The following TFCP2L1 variants were observed in gnomAD, a reference collection of about 807,000 sequenced individuals.
TFCP2L1 encodes transcription factor CP2-like protein 1.
TFCP2L1 carries 12 observed loss-of-function variants against 72.2 expected under a neutral mutation model. The observed-to-expected ratio is 0.17, with a 90% CI of 0.11 to 0.27. The LOEUF (loss-of-function observed/expected upper bound fraction) is 0.27, where lower values mean the gene tolerates loss of function less well. Ranked by LOEUF, TFCP2L1 falls within the 10% of genes least tolerant of loss-of-function variation. The pLI, the probability that TFCP2L1 is intolerant of heterozygous loss-of-function variation, is 1.00. For missense variants in TFCP2L1, 488 were observed against 624.6 expected (o/e 0.78, Z 2.33); for synonymous variants, 260 against 251.0 (o/e 1.04, Z -0.34).
chr2:121,262,563 T>G (rs1261987999), intron 2 of TFCP2L1, among the ~76,000 whole-genome samples: 1 of 152,152 alleles, frequency 6.6e-6, no homozygotes, highest in Non-Finnish European at 1.5e-5. Context: ...CGATGAAGAC[T>G]CAGGAGACAT....
intron 11 of TFCP2L1, 144 bp from the exon 12 acceptor site, chr2:121,234,338 G>T (rs1686201954): frequency 1.4e-6 from 1 of 731,232 alleles, no homozygotes; most frequent in Non-Finnish European, 2.3e-6. Context: ...GTCATGGGGT[G>T]GTGGATGACC....
intron 13 of TFCP2L1, among the ~76,000 whole-genome samples, chr2:121,229,271 G>A (rs538275201): frequency 6.6e-6 from 1 of 152,236 alleles, no homozygotes; most frequent in East Asian, 1.9e-4. Flanking sequence ...AGAGACAAGA[G>A]CACAAAAAAT....
In TFCP2L1 at chr2:121,280,355, G is replaced by A. The variant is rs377624523; in HGVS notation, c.214+765C>T. Among the ~76,000 whole-genome samples, 158 of 152,286 alleles carry A rather than the reference G, an allele frequency of 1.0e-3. 4 individuals carry two copies. The South Asian group carries it at 0.03, about 29-fold the overall frequency. On this transcript the variant is annotated intron_variant, in intron 2 of 14. Coordinates refer to ENST00000263707, the MANE Select transcript of TFCP2L1 (RefSeq NM_014553.3). ...GGATGGAACCCTGCTCCGGTGCTGC[G>A]CAGGACACAGGCCAGCCATCCCATC...
At chr2:121,235,365 C>A (rs1294926939) in intron 10 of TFCP2L1, 54 bp from the exon 11 acceptor site, 1 of 1,585,000 alleles carries the variant, frequency 6.3e-7, no homozygotes, top group South Asian at 1.1e-5. Context: ...AGAAAGGGCT[C>A]GGTCCCCAAC....
chr2:121,271,450 G>GA (rs1197956478), intron 2 of TFCP2L1, among the ~76,000 whole-genome samples: 11 of 151,966 alleles, frequency 7.2e-5, no homozygotes, highest in Non-Finnish European at 1.3e-4. Context: ...TTATACTCAG[G>GA]AAAAAACAAG....
In TFCP2L1 at chr2:121,222,555, C is replaced by T. The variant is rs756635216; in HGVS notation, c.*1786G>A. 6.6e-6 allele frequency: 1 copy of T among 152,206 alleles called. No homozygotes were observed. The highest frequency in any genetic ancestry group is 1.5e-5 in the Non-Finnish European group (1 of 68,044). The allele number at this position is 152,206 out of a possible 1,614,324, so 9.4% of individuals were successfully genotyped here. ...AAGAAGCCAGTCACAAAAGAGATAT[C>T]ACATGATTCCAGATATATGAAATGT... On this transcript the variant is annotated 3_prime_UTR_variant, in exon 15 of 15. Transcript: ENST00000263707.
At chr2:121,276,043 T>C (rs1221756342) in intron 2 of TFCP2L1, among the ~76,000 whole-genome samples, 2 of 152,216 alleles carry the variant, frequency 1.3e-5, no homozygotes, top group African/African-American at 2.4e-5. Context: ...AGTCTGTATA[T>C]TGCTTGCCTT....
Position 121,281,141 on chromosome 2 carries a change from T to C in TFCP2L1, c.193A>G (p.Thr65Ala), listed in dbSNP as rs1432264426. The change falls in exon 2 of 15, where the codon ACG becomes GCG. Residue 65 changes from threonine (T) to alanine (A), a missense_variant. Physicochemically the swap from Thr to Ala is moderately conservative, Grantham distance 58 (BLOSUM62 0). This residue lies in a region of TFCP2L1 where 129 missense variants were observed against 236.0 expected (regional missense o/e 0.55). Coordinates refer to ENST00000263707, the MANE Select transcript of TFCP2L1 (RefSeq NM_014553.3). ...TSPAVKLHEE[T>A]LTYLNQGQSY... Reference sequence around the variant, plus strand: ...CTACCTTGGTTGAGGTAGGTCAGCGTCTCTTCATGCAGCTTCACGGCTGGG... The same window carrying C: ...CTACCTTGGTTGAGGTAGGTCAGCGCCTCTTCATGCAGCTTCACGGCTGGG... The C allele has an allele frequency of 1.9e-6, 3 of 1,613,640 alleles. No homozygotes were observed. Among genetic ancestry groups the C allele is most frequent in the Non-Finnish European group, 2.5e-6 (3 of 1,180,030 alleles).
chr2:121,246,021 AG>A (rs1163414480), intron 6 of TFCP2L1, among the ~76,000 whole-genome samples: 2 of 152,222 alleles, frequency 1.3e-5, no homozygotes, highest in Admixed American at 1.3e-4. Context: ...TGGTTACTCA[AG>A]GCAATTCCTG....
chr2:121,235,092 C>T lies in TFCP2L1; in HGVS notation c.1094+129G>A, dbSNP rs982309486. The T allele has an allele frequency of 2.0e-5, 18 of 898,408 alleles. No individual in the cohort carries two copies. In the Admixed American group the frequency reaches 2.7e-4, roughly 14 times the overall value. The allele number at this position is 898,408 out of a possible 1,614,324, so 55.7% of individuals were successfully genotyped here. On this transcript the variant is annotated intron_variant, in intron 11 of 14. Transcript: ENST00000263707. Reference sequence around the variant, plus strand: ...TTGCCACATTTCCTCCTACACTTGACCCCACACTGCAGGAGTCCTGTCCCC... The same window carrying T: ...TTGCCACATTTCCTCCTACACTTGATCCCACACTGCAGGAGTCCTGTCCCC...
At chr2:121,266,110 C>T (rs1006294056) in intron 2 of TFCP2L1, among the ~76,000 whole-genome samples, 2 of 151,830 alleles carry the variant, frequency 1.3e-5, no homozygotes, top group African/African-American at 4.8e-5. Flanking sequence ...AAGTGATCTG[C>T]CCACCTTGGC....
Position 121,224,387 on chromosome 2 carries a change from G to A in TFCP2L1, c.1394C>T (p.Ala465Val). 2 of 1,613,806 alleles carry A rather than the reference G, an allele frequency of 1.2e-6. No homozygotes were observed. The highest frequency in any genetic ancestry group is 1.7e-6 in the Non-Finnish European group (2 of 1,179,930). The change falls in exon 15 of 15, where the codon GCT (alanine) becomes GTT (valine). Residue 465 changes from alanine (A) to valine (V), a missense_variant and splice_region_variant. By Grantham distance (64) the Ala-to-Val change is moderately conservative. Transcript: ENST00000263707. ...GATGTGGTAGCCATCATTGCTCTCAGCTGCAAGAGAGAAACACTGGGTGTA... is the reference window on the plus strand; with the variant it reads ...GATGTGGTAGCCATCATTGCTCTCAACTGCAAGAGAGAAACACTGGGTGTA... ...ESCFVLSTIK[A>V]ESNDGYHIIL...
At chr2:121,249,131 CA>C (rs1439907922) in intron 3 of TFCP2L1, 44 bp from the exon 4 acceptor site, 3 of 1,401,718 alleles carry the variant, frequency 2.1e-6, no homozygotes, top group Non-Finnish European at 9.6e-7. Flanking sequence ...CGCGGGGGGC[CA>C]AGAGGAACCC....
intron 8 of TFCP2L1, among the ~76,000 whole-genome samples, chr2:121,238,290 G>A (rs1384851307): frequency 6.6e-6 from 1 of 152,178 alleles, no homozygotes. Context: ...CAGGTGGTGA[G>A]GGGAGAGGGC....
intron 2 of TFCP2L1, among the ~76,000 whole-genome samples, chr2:121,273,896 C>G (rs1687093198): frequency 6.6e-6 from 1 of 152,056 alleles, no homozygotes; most frequent in Admixed American, 6.5e-5. Context: ...AGCTCAAGAC[C>G]AGCCTGGCCA....
chr2:121,284,123 A>G (rs1165234323), intron 1 of TFCP2L1, among the ~76,000 whole-genome samples: 1 of 152,242 alleles, frequency 6.6e-6, no homozygotes, highest in African/African-American at 2.4e-5. Flanking sequence ...TAGCACTTAA[A>G]GGTAGCTCTA....
intron 2 of TFCP2L1, among the ~76,000 whole-genome samples, chr2:121,270,379 T>C (rs76555633): frequency 6.6e-6 from 1 of 152,310 alleles, no homozygotes; most frequent in Non-Finnish European, 1.5e-5. Flanking sequence ...ATAGTTATTG[T>C]TCACAAAGTA....
chr2:121,245,696 C>T (rs1686466491), intron 6 of TFCP2L1, among the ~76,000 whole-genome samples: 1 of 152,196 alleles, frequency 6.6e-6, no homozygotes, highest in South Asian at 2.1e-4. Context: ...TGTGATGGTG[C>T]GTCCCCAGAT....
chr2:121,248,174 G>A lies in TFCP2L1; in HGVS notation c.494C>T (p.Ala165Val), dbSNP rs1558735570. 4 of 1,613,776 alleles carry A rather than the reference G, an allele frequency of 2.5e-6. No individual in the cohort carries two copies. The highest frequency in any genetic ancestry group is 3.3e-5 in the Admixed American group (2 of 60,002). Residue 165 changes from alanine (A) to valine (V), a missense_variant, in exon 5 of 15, where the codon GCA becomes GTA. Around this residue, in one of 3 missense-constraint regions of TFCP2L1, gnomAD observed 129 missense variants for 236.0 expected, o/e 0.55. Coordinates refer to ENST00000263707, the MANE Select transcript of TFCP2L1 (RefSeq NM_014553.3). ...FLWDPAKRASAFIQVHCISTE... is the reference protein window; with the variant it reads ...FLWDPAKRASVFIQVHCISTE... ...CTCCCTGTGGCCCACCTGAATGAATGCAGAAGCTCTCTTCGCAGGGTCCCA... is the reference window on the plus strand; with the variant it reads ...CTCCCTGTGGCCCACCTGAATGAATACAGAAGCTCTCTTCGCAGGGTCCCA...
Sources: gnomAD v4.1 joint callset for allele counts (sites outside exome capture counted in the v4.1 genomes callset) on GRCh38, gnomAD v4.1.1 for gene constraint, gnomAD v4.1.1 regional missense constraint, MANE v1.5 for transcripts, NCBI Gene and HGNC (gene_info 2026-07-23, HGNC 2026-07-21) for gene names.